SMAP1: variants seen among roughly 807,000 people sequenced by gnomAD.
SMAP1 encodes the protein stromal membrane-associated protein 1.
A neutral mutation model predicts 58.5 loss-of-function variants in SMAP1; 24 were observed. The observed-to-expected ratio is 0.41, with a 90% CI of 0.30 to 0.58. SMAP1 has a LOEUF of 0.58. Ranked by LOEUF, SMAP1 falls within the 20% of genes least tolerant of loss-of-function variation. The pLI is 0.29. For missense variants in SMAP1, 563 were observed against 566.3 expected (o/e 0.99, Z 0.06); for synonymous variants, 216 against 196.6 (o/e 1.10, Z -0.82).
chr6:70,857,794 G>A, intron 9 of SMAP1, 128 bp from the exon 10 acceptor site: 2 of 1,002,942 alleles, frequency 2.0e-6, no homozygotes, highest in Non-Finnish European at 2.9e-6. Context: ...TGAGTAGTAG[G>A]AGCAGCCAAA....
intron 8 of SMAP1, among the ~76,000 whole-genome samples, chr6:70,853,613 A>G (rs932037887): frequency 6.6e-6 from 1 of 152,212 alleles, no homozygotes; most frequent in Non-Finnish European, 1.5e-5. Context: ...TGGAACAAGT[A>G]GATTTCTTAG....
chr6:70,710,829 A>T (rs969141515), intron 1 of SMAP1, among the ~76,000 whole-genome samples: 1 of 152,132 alleles, frequency 6.6e-6, no homozygotes, highest in Non-Finnish European at 1.5e-5. Flanking sequence ...TTATATCCTT[A>T]TTCTATAAGC....
At chr6:70,721,882 C>T (rs1358245174) in intron 1 of SMAP1, among the ~76,000 whole-genome samples, 1 of 152,116 alleles carries the variant, frequency 6.6e-6, no homozygotes, top group African/African-American at 2.4e-5. Flanking sequence ...AGACCGGCCC[C>T]CATGATTCAA....
intron 4 of SMAP1, among the ~76,000 whole-genome samples, chr6:70,787,051 A>G (rs1000015608): frequency 4.0e-4 from 61 of 152,292 alleles, no homozygotes; most frequent in African/African-American, 1.3e-3. Context: ...TTCAAACTAT[A>G]CTACAAGGCT....
intron 3 of SMAP1, among the ~76,000 whole-genome samples, chr6:70,767,054 T>G (rs1767021595): frequency 6.6e-6 from 1 of 152,120 alleles, no homozygotes; most frequent in East Asian, 1.9e-4. Flanking sequence ...ATCAGATAGT[T>G]GTAGATATGC....
intron 5 of SMAP1, 108 bp downstream of exon 5, chr6:70,791,877 T>A (rs1768378339): frequency 2.3e-6 from 2 of 881,062 alleles, no homozygotes; most frequent in Non-Finnish European, 3.3e-6. Context: ...ATATTTTGAA[T>A]GATCCCTAGA....
chr6:70,668,427 C>T lies in SMAP1; in HGVS notation c.118+286C>T, dbSNP rs187368650. 28 of 1,229,566 alleles carry T rather than the reference C, an allele frequency of 2.3e-5. No homozygotes were observed. The East Asian group carries it at 6.1e-4, about 27-fold the overall frequency. 76.2% of individuals were successfully genotyped at this position (1,229,566 alleles called of 1,614,324 possible). Reference sequence around the variant, plus strand: ...GCCAGGGTAGCGATGCTCGGACCCTCCACAGGGCTGGGGGTAGGAGCGAGG... The same window carrying T: ...GCCAGGGTAGCGATGCTCGGACCCTTCACAGGGCTGGGGGTAGGAGCGAGG... On this transcript the variant is annotated intron_variant, in intron 1 of 10. Transcript: ENST00000370455.
At chr6:70,809,032 T>G (rs1453445808) in intron 6 of SMAP1, among the ~76,000 whole-genome samples, 2 of 152,066 alleles carry the variant, frequency 1.3e-5, no homozygotes, top group Non-Finnish European at 2.9e-5. Flanking sequence ...CCCTAAAGTA[T>G]GTATTGTGAT....
Position 70,787,725 on chromosome 6 carries a change from A to T in SMAP1, c.415-3964A>T, listed in dbSNP as rs535636135. Among the ~76,000 whole-genome samples, 431 of 151,896 alleles carry T rather than the reference A, an allele frequency of 2.8e-3. 11 individuals are homozygous for T. Among genetic ancestry groups the T allele is most frequent in the Admixed American group, 0.026 (398 of 15,210 alleles). On this transcript the variant is annotated intron_variant, in intron 4 of 10. Transcript: ENST00000370455. ...TGCTCATCATCACTGGCCATCAGAG[A>T]AATGCAAATCAAAACCACAATGAGA...
At chr6:70,830,695 A>G (rs1432265414) in intron 6 of SMAP1, among the ~76,000 whole-genome samples, 3 of 152,244 alleles carry the variant, frequency 2.0e-5, no homozygotes, top group Admixed American at 6.5e-5. Flanking sequence ...CATTTTAGAA[A>G]GTTTTCAGGA....
intron 8 of SMAP1, among the ~76,000 whole-genome samples, chr6:70,853,784 A>G (rs1247624775): frequency 1.3e-5 from 2 of 152,242 alleles, no homozygotes; most frequent in East Asian, 1.9e-4. Flanking sequence ...TTACCTTACA[A>G]ATTGGTACAG....
intron 1 of SMAP1, among the ~76,000 whole-genome samples, chr6:70,703,390 A>T (rs1479466452): frequency 6.6e-6 from 1 of 152,134 alleles, no homozygotes; most frequent in Non-Finnish European, 1.5e-5. Context: ...TTTCAATTGA[A>T]TGCTAGATAT....
In SMAP1 at chr6:70,804,198, A is replaced by G. The variant is rs926089035; in HGVS notation, c.576+5461A>G. Among the ~76,000 whole-genome samples, 2 of 151,924 alleles carry G rather than the reference A, an allele frequency of 1.3e-5. 1 individual carries two copies. The highest frequency in any genetic ancestry group is 4.8e-5 in the African/African-American group (2 of 41,312). ...TGTATTGGGTGCATATATATTTAGG[A>G]TAGTTAGCTCTTATTGAATTGATCC... On this transcript the variant is annotated intron_variant, in intron 6 of 10. Transcript: ENST00000370455.
chr6:70,832,710 C>G (rs1412107715), intron 6 of SMAP1, among the ~76,000 whole-genome samples: 1 of 152,160 alleles, frequency 6.6e-6, no homozygotes, highest in African/African-American at 2.4e-5. Flanking sequence ...GGCAAGAGAG[C>G]ACTTGAACAA....
intron 7 of SMAP1, among the ~76,000 whole-genome samples, chr6:70,841,894 C>T (rs1035519099): frequency 6.6e-6 from 1 of 152,148 alleles, no homozygotes; most frequent in Non-Finnish European, 1.5e-5. Flanking sequence ...CTCTACTTAC[C>T]TTTCAAACAG....
intron 1 of SMAP1, 69 bp downstream of exon 1, chr6:70,668,210 C>A (rs1270734986): frequency 1.4e-6 from 2 of 1,389,330 alleles, no homozygotes; most frequent in Non-Finnish European, 2.0e-6. Flanking sequence ...GCCGCTGCGG[C>A]GCTCGGGGCC....
chr6:70,676,588 T>C (rs1766491610), intron 1 of SMAP1, among the ~76,000 whole-genome samples: 1 of 152,156 alleles, frequency 6.6e-6, no homozygotes, highest in Admixed American at 6.5e-5. Flanking sequence ...ATGTAAGAGA[T>C]TGTTGTTGGG....
intron 7 of SMAP1, chr6:70,837,667 T>TG: frequency 2.9e-6 from 1 of 341,516 alleles, no homozygotes; most frequent in Non-Finnish European, 3.5e-6. Context: ...TCTCTCTCTC[T>TG]CTTTTTTTTT....
chr6:70,798,324 A>G (rs2149952392), intron 5 of SMAP1, among the ~76,000 whole-genome samples: 2 of 151,826 alleles, frequency 1.3e-5, no homozygotes, highest in South Asian at 4.2e-4. Context: ...AGGAAGTCTA[A>G]CCTAATAAAA....
Sources: gnomAD v4.1 joint callset for allele counts (sites outside exome capture counted in the v4.1 genomes callset) on GRCh38, gnomAD v4.1.1 for gene constraint, MANE v1.5 for transcripts, NCBI Gene and HGNC (gene_info 2026-07-23, HGNC 2026-07-21) for gene names.